The following SCFD2 variants were observed in gnomAD, a reference collection of about 807,000 sequenced individuals.
The protein encoded by SCFD2 is sec1 family domain-containing protein 2.
A neutral mutation model predicts 58.9 loss-of-function variants in SCFD2; 54 were observed. That is an observed-to-expected ratio of 0.92 (90% CI 0.74 to 1.15). The LOEUF is 1.15. Among genes scored for constraint, SCFD2 ranks in the 50% most tolerant of loss-of-function variants. SCFD2 has a pLI of 0.00. For missense variants in SCFD2, 805 were observed against 836.6 expected (o/e 0.96, Z 0.47); for synonymous variants, 321 against 335.9 (o/e 0.96, Z 0.49).
At chr4:52,963,124 C>T (rs929328196) in intron 5 of SCFD2, among the ~76,000 whole-genome samples, 4 of 152,150 alleles carry the variant, frequency 2.6e-5, no homozygotes, top group Non-Finnish European at 5.9e-5. Flanking sequence ...TTTACCAAGT[C>T]GAAGTCTCCA....
At chr4:52,998,317 A>C (rs1261964144) in intron 5 of SCFD2, among the ~76,000 whole-genome samples, 1 of 152,234 alleles carries the variant, frequency 6.6e-6, no homozygotes, top group Non-Finnish European at 1.5e-5. Flanking sequence ...ACCTCGCAGG[A>C]GATAGAAAAT....
intron 4 of SCFD2, among the ~76,000 whole-genome samples, chr4:53,223,077 G>C (rs1366561472): frequency 1.3e-5 from 2 of 152,098 alleles, no homozygotes; most frequent in Admixed American, 6.6e-5. Context: ...CACCCATTCT[G>C]AGATGATGGA....
At chr4:53,110,566 T>A (rs181491215) in intron 5 of SCFD2, among the ~76,000 whole-genome samples, 5 of 151,134 alleles carry the variant, frequency 3.3e-5, no homozygotes, top group Admixed American at 2.6e-4. Context: ...AACAACCCCA[T>A]CAAAAAGTGG....
intron 5 of SCFD2, among the ~76,000 whole-genome samples, chr4:52,975,527 G>T (rs1036768432): frequency 6.6e-6 from 1 of 152,188 alleles, no homozygotes; most frequent in African/African-American, 2.4e-5. Context: ...AACAACAGGT[G>T]CTGGAGAGGA....
chr4:52,907,285 C>T (rs1411225164), intron 7 of SCFD2, among the ~76,000 whole-genome samples, 172 bp downstream of exon 7: 1 of 152,328 alleles, frequency 6.6e-6, no homozygotes, highest in Non-Finnish European at 1.5e-5. Flanking sequence ...ATGACGCTAA[C>T]AGGTCAGGCT....
intron 3 of SCFD2, among the ~76,000 whole-genome samples, chr4:53,305,079 G>T (rs1290586990): frequency 1.3e-5 from 2 of 152,012 alleles, no homozygotes; most frequent in Non-Finnish European, 2.9e-5. Context: ...AGGACTCTCT[G>T]CTGCAGGTCT....
chr4:53,008,334 C>G (rs1391828465), intron 5 of SCFD2, among the ~76,000 whole-genome samples: 2 of 152,048 alleles, frequency 1.3e-5, no homozygotes, highest in Non-Finnish European at 2.9e-5. Context: ...ATGACACCCC[C>G]CCTTCCCCTC....
intron 3 of SCFD2, among the ~76,000 whole-genome samples, chr4:53,279,046 C>G (rs1367037702): frequency 6.6e-6 from 1 of 152,066 alleles, no homozygotes; most frequent in South Asian, 2.1e-4. Context: ...AAACAGCAAG[C>G]AACTAGACAA....
At chr4:53,062,150 T>A (rs1489110509) in intron 5 of SCFD2, among the ~76,000 whole-genome samples, 2 of 151,884 alleles carry the variant, frequency 1.3e-5, no homozygotes, top group Admixed American at 6.6e-5. Flanking sequence ...GGTGGGCAGA[T>A]CACTTGAGGT....
chr4:53,357,084 T>C (rs1734422956), intron 1 of SCFD2, among the ~76,000 whole-genome samples: 2 of 152,086 alleles, frequency 1.3e-5, no homozygotes, highest in Non-Finnish European at 2.9e-5. Context: ...TAGCACTATT[T>C]CCCCTATTCC....
At chr4:53,033,012 T>C (rs189992745) in intron 5 of SCFD2, among the ~76,000 whole-genome samples, 19 of 152,254 alleles carry the variant, frequency 1.2e-4, no homozygotes, top group Non-Finnish European at 2.4e-4. Context: ...CAACAGAATA[T>C]ATACTCTTCT....
At chr4:53,110,977 C>G (rs1049955930) in intron 5 of SCFD2, among the ~76,000 whole-genome samples, 1 of 152,112 alleles carries the variant, frequency 6.6e-6, no homozygotes, top group African/African-American at 2.4e-5. Flanking sequence ...GAAAATGTGG[C>G]ACATATACAC....
chr4:53,228,377 T>C (rs1729298904), intron 4 of SCFD2, among the ~76,000 whole-genome samples: 1 of 152,190 alleles, frequency 6.6e-6, no homozygotes, highest in Non-Finnish European at 1.5e-5. Flanking sequence ...TGAGCAGCTA[T>C]AGTCATCCTT....
At chr4:53,246,379 G>C (rs1007505215) in intron 4 of SCFD2, among the ~76,000 whole-genome samples, 2 of 151,964 alleles carry the variant, frequency 1.3e-5, no homozygotes, top group African/African-American at 4.8e-5. Context: ...CGAAAAACCC[G>C]AATAGCCAAG....
chr4:53,146,769 T>C (rs1338826945), intron 4 of SCFD2, among the ~76,000 whole-genome samples: 2 of 152,212 alleles, frequency 1.3e-5, no homozygotes, highest in Non-Finnish European at 2.9e-5. Context: ...ACCCCATTCC[T>C]AAAACTTTTA....
intron 2 of SCFD2, among the ~76,000 whole-genome samples, chr4:53,351,666 G>A (rs1444414747): frequency 6.6e-6 from 1 of 152,078 alleles, no homozygotes; most frequent in African/African-American, 2.4e-5. Context: ...AAGCCTTTAG[G>A]CCTATGCTTT....
rs558066546 is a variant in SCFD2 at position 53,257,323 on chromosome 4, T to C, written c.1311+16503A>G. Among the ~76,000 whole-genome samples the C allele has an allele frequency of 9.2e-5, 14 of 152,236 alleles. No individual in the cohort carries two copies. In the South Asian group the frequency reaches 2.1e-3, roughly 23 times the overall value. Reference sequence around the variant, plus strand: ...TGCCTGTTCCCTATAGTCAGTTCAATGTGAAGAAGAGTGCAGAAAGAAACA... The same window carrying C: ...TGCCTGTTCCCTATAGTCAGTTCAACGTGAAGAAGAGTGCAGAAAGAAACA... On this transcript the variant is annotated intron_variant, in intron 4 of 8. Coordinates refer to ENST00000401642, the MANE Select transcript of SCFD2 (RefSeq NM_152540.4).
chr4:53,025,389 A>C (rs1437446030), intron 5 of SCFD2, among the ~76,000 whole-genome samples: 1 of 152,204 alleles, frequency 6.6e-6, no homozygotes, highest in Non-Finnish European at 1.5e-5. Context: ...TTGATGCCAA[A>C]CAACATAGAT....
intron 4 of SCFD2, among the ~76,000 whole-genome samples, chr4:53,224,482 CCT>C (rs1729143451): frequency 6.6e-6 from 1 of 152,122 alleles, no homozygotes; most frequent in South Asian, 2.1e-4. Flanking sequence ...GTCTGAATAC[CCT>C]GAGATTGCCA....
Sources: allele counts gnomAD v4.1 joint callset (sites outside exome capture counted in the v4.1 genomes callset), GRCh38; gene constraint gnomAD v4.1.1; transcripts MANE v1.5; gene names NCBI Gene and HGNC (gene_info 2026-07-23, HGNC 2026-07-21).